HMGB1: variants seen among roughly 807,000 people sequenced by gnomAD.
HMGB1 encodes the protein high mobility group box 1.
For synonymous variants in HMGB1, 81 were observed against 84.0 expected, an observed-to-expected ratio of 0.96 and a Z score of 0.19; for missense variants, 79 against 253.5, an observed-to-expected ratio of 0.31 and a Z score of 4.67.
chr13:30,609,243 G>A (rs1950490943), intron 1 of HMGB1, among the ~76,000 whole-genome samples: 1 of 152,190 alleles, frequency 6.6e-6, no homozygotes, highest in Non-Finnish European at 1.5e-5. Flanking sequence ...CTGGGTGACA[G>A]AGCCAGACTC....
intron 1 of HMGB1, among the ~76,000 whole-genome samples, chr13:30,558,467 A>G (rs199509698): frequency 1.1e-3 from 174 of 152,318 alleles, no homozygotes; most frequent in Non-Finnish European, 1.4e-3. Flanking sequence ...AAAATTTTTT[A>G]AAAAAATAAC....
intron 1 of HMGB1, among the ~76,000 whole-genome samples, chr13:30,486,000 T>G (rs1253900073): frequency 6.6e-6 from 1 of 152,204 alleles, no homozygotes; most frequent in East Asian, 1.9e-4. Flanking sequence ...TTGATTTCTA[T>G]TCATGCTTTT....
intron 1 of HMGB1, among the ~76,000 whole-genome samples, chr13:30,553,420 C>T (rs981747341): frequency 1.3e-5 from 2 of 152,190 alleles, no homozygotes; most frequent in African/African-American, 2.4e-5. Flanking sequence ...TAGCCATGAC[C>T]TTGGGCACAT....
At chr13:30,591,017 G>A (rs1389070488) in intron 1 of HMGB1, among the ~76,000 whole-genome samples, 1 of 150,738 alleles carries the variant, frequency 6.6e-6, no homozygotes, top group Non-Finnish European at 1.5e-5. Flanking sequence ...GTTAGAAAAG[G>A]AGGCAGGGCC....
chr13:30,476,735 G>A (rs758825529), intron 1 of HMGB1, among the ~76,000 whole-genome samples: 19 of 151,818 alleles, frequency 1.3e-4, no homozygotes, highest in East Asian at 1.2e-3. Flanking sequence ...GTGTGGTGGC[G>A]TGTGCCTGTG....
chr13:30,605,014 G>A (rs1950442410), intron 1 of HMGB1, among the ~76,000 whole-genome samples: 1 of 152,186 alleles, frequency 6.6e-6, no homozygotes, highest in Non-Finnish European at 1.5e-5. Flanking sequence ...TGTAAGGTAT[G>A]AGGGGAAAAT....
chr13:30,535,034 C>T (rs375655054), intron 1 of HMGB1, among the ~76,000 whole-genome samples: 15 of 152,312 alleles, frequency 9.8e-5, no homozygotes, highest in East Asian at 9.6e-4. Flanking sequence ...GCAAGAGATG[C>T]TTGAATGAGG....
At chr13:30,548,826 G>A (rs1220160739) in intron 1 of HMGB1, among the ~76,000 whole-genome samples, 2 of 152,154 alleles carry the variant, frequency 1.3e-5, no homozygotes, top group Non-Finnish European at 2.9e-5. Context: ...CTGTTCCTAA[G>A]ACCAAATGAA....
In HMGB1 at chr13:30,473,882, G is replaced by A. The variant is rs1054668592; in HGVS notation, c.-14-10188C>T. On this transcript the variant is annotated intron_variant, in intron 1 of 4. Coordinates refer to the HMGB1 transcript ENST00000405805. ...CCATCAACTGATGAGTGGATAAATCGAATGTGGTATATCCATACACATACA... is the reference window on the plus strand; with the variant it reads ...CCATCAACTGATGAGTGGATAAATCAAATGTGGTATATCCATACACATACA... 1.2e-4 allele frequency among the ~76,000 whole-genome samples: 18 copies of A among 152,174 alleles called. No homozygotes were observed. In the South Asian group the frequency reaches 3.5e-3, roughly 30 times the overall value.
In HMGB1 at chr13:30,538,650, T is replaced by TCTTTC. The variant is rs1555238853; in HGVS notation, c.-14-74961_-14-74957dup. ...CTTTCTTTTTCTTTCTTCCTTTCTT[T>TCTTTC]CTTTCTTTCTTTCCTTTCTTTCTTT... is the stretch of plus-strand genomic sequence containing the variant. On this transcript the variant is annotated intron_variant, in intron 1 of 4. Coordinates refer to the HMGB1 transcript ENST00000405805. Among the ~76,000 whole-genome samples, 62 of 79,402 alleles carry TCTTTC rather than the reference T, an allele frequency of 7.8e-4. No homozygotes were observed. In the East Asian group the frequency reaches 0.016, roughly 20 times the overall value. 52.1% of individuals were successfully genotyped at this position (79,402 alleles called of 152,430 possible).
At chr13:30,480,742 C>G (rs758238750) in intron 1 of HMGB1, among the ~76,000 whole-genome samples, 4 of 152,002 alleles carry the variant, frequency 2.6e-5, no homozygotes, top group Non-Finnish European at 5.9e-5. Flanking sequence ...CTCCTTCCCT[C>G]GCTCCTTTTT....
At chr13:30,474,969 T>C (rs1178700146) in intron 1 of HMGB1, among the ~76,000 whole-genome samples, 1 of 132,558 alleles carries the variant, frequency 7.5e-6, no homozygotes, top group Non-Finnish European at 1.6e-5. Flanking sequence ...GTTTTTTTTT[T>C]TTTTTTTTTT....
intron 1 of HMGB1, among the ~76,000 whole-genome samples, chr13:30,587,910 A>G (rs189641357): frequency 7.9e-5 from 12 of 152,336 alleles, no homozygotes; most frequent in African/African-American, 2.9e-4. Context: ...AGCTCAATAC[A>G]TAATGACTAA....
chr13:30,582,424 GT>G (rs1870940370), intron 1 of HMGB1, among the ~76,000 whole-genome samples: 2 of 152,100 alleles, frequency 1.3e-5, no homozygotes, highest in South Asian at 4.2e-4. Flanking sequence ...AGATCACGAG[GT>G]CAGGAGATTG....
intron 1 of HMGB1, among the ~76,000 whole-genome samples, chr13:30,531,444 C>T (rs1000218189): frequency 2.6e-5 from 4 of 151,988 alleles, no homozygotes; most frequent in Non-Finnish European, 2.9e-5. Context: ...AGCGCACCCA[C>T]GCTGGAAGTG....
chr13:30,492,471 G>A (rs188645931), intron 1 of HMGB1, among the ~76,000 whole-genome samples: 2 of 151,998 alleles, frequency 1.3e-5, no homozygotes, highest in African/African-American at 2.4e-5. Context: ...TTTTTCAGTA[G>A]GCAAAAGACA....
At chr13:30,514,871 A>C (rs905515332) in intron 1 of HMGB1, among the ~76,000 whole-genome samples, 7 of 152,192 alleles carry the variant, frequency 4.6e-5, no homozygotes, top group African/African-American at 1.7e-4. Flanking sequence ...GCGGAACTCT[A>C]AGATGATCCT....
intron 1 of HMGB1, among the ~76,000 whole-genome samples, chr13:30,538,765 CTCTCTCTCT>C (rs1267835848): frequency 2.9e-4 from 33 of 112,332 alleles, no homozygotes; most frequent in African/African-American, 1.1e-3. Flanking sequence ...CTTTCTCTTT[CTCTCTCTCT>C]TTCCTTCTTT....
chr13:30,472,781 G>T (rs979884957), intron 1 of HMGB1, among the ~76,000 whole-genome samples: 1 of 151,662 alleles, frequency 6.6e-6, no homozygotes, highest in African/African-American at 2.4e-5. Context: ...GAGAGGAAAC[G>T]CTAACCCAAA....
Sources: gnomAD v4.1 joint callset for allele counts (sites outside exome capture counted in the v4.1 genomes callset) on GRCh38, gnomAD v4.1.1 for gene constraint, MANE v1.5 for transcripts, NCBI Gene and HGNC (gene_info 2026-07-23, HGNC 2026-07-21) for gene names.